Variants in TMEM132D observed in about 807,000 individuals in gnomAD.
TMEM132D encodes mature OL transmembrane protein.
In TMEM132D, 21 loss-of-function variants were observed where a neutral mutation model predicts 62.3. The ratio of observed to expected loss-of-function variants is 0.34; its 90% CI spans 0.24 to 0.49. The LOEUF (loss-of-function observed/expected upper bound fraction) is 0.49. TMEM132D is among the 20% of genes least tolerant of loss of function. The pLI is 0.99. For missense variants in TMEM132D, 1,346 were observed against 1,402.8 expected (o/e 0.96, Z 0.65); for synonymous variants, 621 against 575.6 (o/e 1.08, Z -1.13).
intron 5 of TMEM132D, among the ~76,000 whole-genome samples, chr12:129,177,153 T>G (rs1349761696): frequency 1.3e-5 from 2 of 152,164 alleles, no homozygotes; most frequent in East Asian, 3.9e-4. Context: ...TATTTATAAG[T>G]GGAATTACAA....
intron 5 of TMEM132D, among the ~76,000 whole-genome samples, chr12:129,191,766 CACACACACACACAT>C (rs985034042): frequency 2.0e-5 from 3 of 149,056 alleles, no homozygotes; most frequent in African/African-American, 7.4e-5. Flanking sequence ...ACACACAGAA[CACACACACACACAT>C]ACACACACAC....
chr12:129,520,177 C>G lies in TMEM132D; in HGVS notation c.1115+10882G>C, dbSNP rs577267855. ...AGACATTAAATAATCTTAGGGCCTC[C>G]CAACTCCCCTACTCTCTTTCCAACT... On this transcript the variant is annotated intron_variant, in intron 3 of 8. Coordinates refer to ENST00000422113, the MANE Select transcript of TMEM132D (RefSeq NM_133448.3). Among the ~76,000 whole-genome samples the G allele has an allele frequency of 2.6e-4, 39 of 152,220 alleles. 1 individual carries two copies. The highest frequency in any genetic ancestry group is 9.1e-4 in the African/African-American group (38 of 41,544).
rs112563685 is a variant in TMEM132D, at chr12:129,353,908, G to A, written c.1116-16091C>T. 1.9e-3 allele frequency among the ~76,000 whole-genome samples: 296 copies of A among 151,884 alleles called. 1 individual carries two copies. The highest frequency in any genetic ancestry group is 6.6e-3 in the African/African-American group (273 of 41,438). On this transcript the variant is annotated intron_variant, in intron 3 of 8. Transcript: ENST00000422113. ...CATCTCTCGGAGGTCTAATCTTCTCGCACGGAGCCAATGAACAGCTCCTTC... is the reference window on the plus strand; with the variant it reads ...CATCTCTCGGAGGTCTAATCTTCTCACACGGAGCCAATGAACAGCTCCTTC...
intron 4 of TMEM132D, among the ~76,000 whole-genome samples, chr12:129,220,583 G>C (rs1334170210): frequency 6.6e-6 from 1 of 152,080 alleles, no homozygotes; most frequent in African/African-American, 2.4e-5. Flanking sequence ...CCATGGCCTC[G>C]TGTTCTCCTG....
At chr12:129,800,548 C>T (rs113287195) in intron 1 of TMEM132D, among the ~76,000 whole-genome samples, 1 of 152,086 alleles carries the variant, frequency 6.6e-6, no homozygotes, top group Non-Finnish European at 1.5e-5. Flanking sequence ...AAAAGGGGAG[C>T]AGTGGAGGCC....
chr12:129,454,208 G>C (rs983036175), intron 3 of TMEM132D, among the ~76,000 whole-genome samples: 1 of 152,018 alleles, frequency 6.6e-6, no homozygotes, highest in African/African-American at 2.4e-5. Context: ...TGAATGACAG[G>C]TCCAAGCATT....
At chr12:129,094,732 C>T (rs549539585) in intron 5 of TMEM132D, among the ~76,000 whole-genome samples, 73 of 152,198 alleles carry the variant, frequency 4.8e-4, no homozygotes, top group Admixed American at 9.8e-4. Context: ...CACATGCATA[C>T]GTATGTTTAT....
At chr12:129,517,390 C>G (rs1477754998) in intron 3 of TMEM132D, among the ~76,000 whole-genome samples, 1 of 152,028 alleles carries the variant, frequency 6.6e-6, no homozygotes, top group Non-Finnish European at 1.5e-5. Context: ...CTCAGATTAC[C>G]AGTTCAAAGG....
chr12:129,355,504 T>C (rs193195540), intron 3 of TMEM132D, among the ~76,000 whole-genome samples: 37 of 152,140 alleles, frequency 2.4e-4, no homozygotes, highest in Non-Finnish European at 4.6e-4. Flanking sequence ...AAAGCATAAA[T>C]TGGTAAAATT....
At chr12:129,342,552 A>T (rs1424583401) in intron 3 of TMEM132D, among the ~76,000 whole-genome samples, 1 of 152,228 alleles carries the variant, frequency 6.6e-6, no homozygotes. Context: ...AAGCAATGGC[A>T]ACAGAAGCCA....
At chr12:129,807,842 T>G (rs1872043085) in intron 1 of TMEM132D, among the ~76,000 whole-genome samples, 1 of 152,190 alleles carries the variant, frequency 6.6e-6, no homozygotes, top group Non-Finnish European at 1.5e-5. Context: ...CTACTCCTCT[T>G]AAAGCAATTT....
At chr12:129,534,473 C>T (rs1395120641) in intron 2 of TMEM132D, among the ~76,000 whole-genome samples, 3 of 151,440 alleles carry the variant, frequency 2.0e-5, no homozygotes, top group African/African-American at 7.3e-5. Flanking sequence ...TATATGTATA[C>T]ATAATGTAGA....
At chr12:129,130,987 C>T (rs73416544) in intron 5 of TMEM132D, among the ~76,000 whole-genome samples, 3 of 152,124 alleles carry the variant, frequency 2.0e-5, no homozygotes, top group East Asian at 1.9e-4. Flanking sequence ...GTGGTGGGAC[C>T]GAGGCATCAG....
intron 1 of TMEM132D, among the ~76,000 whole-genome samples, chr12:129,736,839 CAG>C (rs1869443812): frequency 7.6e-6 from 1 of 131,138 alleles, no homozygotes; most frequent in Non-Finnish European, 1.6e-5. Flanking sequence ...TTTTCTGAGA[CAG>C]AGTTTTCCTC....
chr12:129,256,167 C>T (rs1880394629), intron 4 of TMEM132D, among the ~76,000 whole-genome samples: 1 of 152,180 alleles, frequency 6.6e-6, no homozygotes, highest in Admixed American at 6.5e-5. Context: ...GCAACCTCCG[C>T]CTCTGGGGTT....
At chr12:129,153,176 G>C (rs1162155148) in intron 5 of TMEM132D, among the ~76,000 whole-genome samples, 2 of 152,094 alleles carry the variant, frequency 1.3e-5, no homozygotes, top group Non-Finnish European at 2.9e-5. Flanking sequence ...CTGTTGTCCT[G>C]ACTGGACTTT....
At chr12:129,642,790 G>A (rs1014482986) in intron 2 of TMEM132D, among the ~76,000 whole-genome samples, 2 of 152,020 alleles carry the variant, frequency 1.3e-5, no homozygotes, top group African/African-American at 2.4e-5. Context: ...AAAACTCTTC[G>A]CTTGGTGATG....
At chr12:129,168,124 G>C (rs1877617171) in intron 5 of TMEM132D, among the ~76,000 whole-genome samples, 1 of 152,164 alleles carries the variant, frequency 6.6e-6, no homozygotes, top group Non-Finnish European at 1.5e-5. Flanking sequence ...CTTGGAAAAT[G>C]TGTTCCCTTT....
intron 3 of TMEM132D, among the ~76,000 whole-genome samples, chr12:129,426,949 A>C (rs1872518071): frequency 6.6e-6 from 1 of 152,230 alleles, no homozygotes; most frequent in Non-Finnish European, 1.5e-5. Context: ...AGAGATACAC[A>C]GCTAGAGAGC....
Sources: allele counts gnomAD v4.1 joint callset (sites outside exome capture counted in the v4.1 genomes callset), GRCh38; gene constraint gnomAD v4.1.1; transcripts MANE v1.5; gene names NCBI Gene and HGNC (gene_info 2026-07-23, HGNC 2026-07-21).